The following NTRK2 variants were observed in gnomAD, a reference collection of about 807,000 sequenced individuals.
NTRK2 encodes the protein neurotrophic receptor tyrosine kinase 2.
Under a neutral mutation model 94.5 loss-of-function variants are expected in NTRK2, and 13 were observed. The ratio of observed to expected loss-of-function variants is 0.14; its 90% CI spans 0.09 to 0.22. NTRK2 has a LOEUF of 0.22. Among genes scored for constraint, NTRK2 ranks in the 10% least tolerant of loss-of-function variants. The pLI, the probability that NTRK2 is intolerant of heterozygous loss-of-function variation, is 1.00. For synonymous variants in NTRK2, 372 were observed against 407.4 expected (o/e 0.91, Z 1.05); for missense variants, 639 against 1,071.2 (o/e 0.60, Z 5.63).
rs148122748 is a variant in NTRK2, at chr9:84,801,501, T to C, written c.1396+49416T>C. Among the ~76,000 whole-genome samples the C allele has an allele frequency of 2.0e-5, 3 of 152,318 alleles. No individual in the cohort carries two copies. In the East Asian group the frequency reaches 5.8e-4, roughly 29 times the overall value. On this transcript the variant is annotated intron_variant, in intron 12 of 18. Coordinates refer to ENST00000277120, the MANE Select transcript of NTRK2 (RefSeq NM_006180.6). ...CATTCAGTAGAAAGTGGTTCGGTAT[T>C]CTCCTGTGACGCTGAGCAGGGGCAG... is the stretch of plus-strand genomic sequence containing the variant.
At chr9:84,890,836 G>A (rs1323688768) in intron 14 of NTRK2, among the ~76,000 whole-genome samples, 1 of 152,208 alleles carries the variant, frequency 6.6e-6, no homozygotes, top group African/African-American at 2.4e-5. Flanking sequence ...TGAATTATAA[G>A]GAAATGCTTC....
intron 12 of NTRK2, among the ~76,000 whole-genome samples, chr9:84,795,426 G>T (rs2069196365): frequency 6.6e-6 from 1 of 152,140 alleles, no homozygotes; most frequent in Admixed American, 6.5e-5. Context: ...CTAACTTACT[G>T]CCCTGGGCTC....
chr9:85,000,982 T>C (rs1434617061), intron 17 of NTRK2, among the ~76,000 whole-genome samples: 1 of 152,234 alleles, frequency 6.6e-6, no homozygotes, highest in Non-Finnish European at 1.5e-5. Flanking sequence ...TGTGTAGTGG[T>C]ACACATTACA....
intron 17 of NTRK2, among the ~76,000 whole-genome samples, chr9:84,992,769 AT>A (rs1829250099): frequency 6.6e-6 from 1 of 152,122 alleles, no homozygotes; most frequent in South Asian, 2.1e-4. Context: ...TGCTCCATTT[AT>A]GCAGATGTGA....
intron 12 of NTRK2, among the ~76,000 whole-genome samples, chr9:84,825,547 C>T (rs1022855976): frequency 1.3e-5 from 2 of 152,118 alleles, no homozygotes; most frequent in African/African-American, 4.8e-5. Flanking sequence ...TTAGATTTGT[C>T]CTCATTAAAA....
chr9:84,797,172 G>A (rs1216418908), intron 12 of NTRK2, among the ~76,000 whole-genome samples: 1 of 152,064 alleles, frequency 6.6e-6, no homozygotes, highest in South Asian at 2.1e-4. Context: ...CAGGCAGGTG[G>A]TTGCATTACC....
chr9:84,884,463 G>A (rs2076353872), intron 14 of NTRK2, among the ~76,000 whole-genome samples: 1 of 152,084 alleles, frequency 6.6e-6, no homozygotes, highest in Admixed American at 6.5e-5. Flanking sequence ...CTTTCAACTA[G>A]ACTTTTTTAA....
chr9:84,747,921 G>A (rs2064237909), intron 11 of NTRK2, among the ~76,000 whole-genome samples: 1 of 152,138 alleles, frequency 6.6e-6, no homozygotes, highest in African/African-American at 2.4e-5. Context: ...TGTATGAGAG[G>A]TGCAATATTG....
intron 2 of NTRK2, among the ~76,000 whole-genome samples, chr9:84,673,894 T>C (rs1207724882): frequency 1.3e-5 from 2 of 152,238 alleles, no homozygotes; most frequent in Non-Finnish European, 2.9e-5. Context: ...GCAGCTCCTG[T>C]TATTTGGAAA....
At chr9:84,847,961 A>G (rs1298719198) in intron 12 of NTRK2, among the ~76,000 whole-genome samples, 3 of 152,188 alleles carry the variant, frequency 2.0e-5, no homozygotes, top group African/African-American at 7.2e-5. Flanking sequence ...CTACAAGTCC[A>G]TGATCAAGAT....
intron 14 of NTRK2, among the ~76,000 whole-genome samples, chr9:84,931,352 A>G (rs2078019145): frequency 6.6e-6 from 1 of 151,870 alleles, no homozygotes; most frequent in East Asian, 1.9e-4. Context: ...GGTTGCAGTG[A>G]GCCGAGATTG....
At position 84,934,149 on chromosome 9, in the gene NTRK2, C is replaced by CT; in HGVS notation, c.1634-10dup. 6.2e-7 allele frequency: 1 copy of CT among 1,613,674 alleles called. No homozygotes were observed. Among genetic ancestry groups the CT allele is most frequent in the Non-Finnish European group, 8.5e-7 (1 of 1,179,754 alleles). On this transcript the variant is annotated splice_polypyrimidine_tract_variant and intron_variant, in intron 14 of 18. Transcript: ENST00000277120. ...GCTTCAATTCCAATTTCCATTCTGTCTTTGTTTTGCAGTTGTTCAGCACAT... is the reference window on the plus strand; with the variant it reads ...GCTTCAATTCCAATTTCCATTCTGTCTTTTGTTTTGCAGTTGTTCAGCACAT...
chr9:84,870,365 A>ATATATATATATATATATATATAT (rs1427199030), intron 14 of NTRK2, among the ~76,000 whole-genome samples: 1 of 129,982 alleles, frequency 7.7e-6, no homozygotes. Flanking sequence ...ATATATATAT[A>ATATATATATATATATATATATAT]AAACTCTGTC....
chr9:84,943,259 C>A (rs777497844), intron 15 of NTRK2, among the ~76,000 whole-genome samples: 46 of 152,274 alleles, frequency 3.0e-4, no homozygotes, highest in Non-Finnish European at 5.0e-4. Context: ...TCTATCACAC[C>A]AATGATTTCA....
intron 12 of NTRK2, among the ~76,000 whole-genome samples, chr9:84,809,636 C>A (rs553285436): frequency 6.6e-6 from 1 of 151,232 alleles, no homozygotes; most frequent in Non-Finnish European, 1.5e-5. Context: ...AATCCCAGCA[C>A]TTTGGGAGGC....
chr9:84,987,813 T>C (rs973875726), intron 17 of NTRK2, among the ~76,000 whole-genome samples: 2 of 152,254 alleles, frequency 1.3e-5, no homozygotes, highest in Non-Finnish European at 2.9e-5. Flanking sequence ...ACTTTTATTG[T>C]ATTTTCCTTA....
intron 17 of NTRK2, among the ~76,000 whole-genome samples, chr9:84,961,791 A>G (rs1454962985): frequency 1.3e-5 from 2 of 152,246 alleles, no homozygotes; most frequent in Non-Finnish European, 2.9e-5. Context: ...GGAACCCAAA[A>G]GAGGAAGCCT....
chr9:84,836,648 A>T (rs2073887875), intron 12 of NTRK2, among the ~76,000 whole-genome samples: 1 of 147,272 alleles, frequency 6.8e-6, no homozygotes, highest in African/African-American at 2.5e-5. Context: ...AACTCATGGA[A>T]CAGGATGCCT....
chr9:84,983,585 C>T (rs895650094), intron 17 of NTRK2, among the ~76,000 whole-genome samples: 14 of 152,106 alleles, frequency 9.2e-5, no homozygotes, highest in Non-Finnish European at 1.8e-4. Context: ...CAAAAGTGCT[C>T]TTCAATTCTA....
Sources: gnomAD v4.1 joint callset for allele counts (sites outside exome capture counted in the v4.1 genomes callset) on GRCh38, gnomAD v4.1.1 for gene constraint, MANE v1.5 for transcripts, NCBI Gene and HGNC (gene_info 2026-07-23, HGNC 2026-07-21) for gene names.